The following NDEL1 variants were observed in gnomAD, a reference collection of about 807,000 sequenced individuals.
The protein encoded by NDEL1 is nuclear distribution protein nudE-like 1.
Under a neutral mutation model 45.7 loss-of-function variants are expected in NDEL1, and 9 were observed. The ratio of observed to expected loss-of-function variants is 0.20; its 90% CI spans 0.12 to 0.34. The LOEUF (loss-of-function observed/expected upper bound fraction) is 0.34. Among genes scored for constraint, NDEL1 ranks in the 10% least tolerant of loss-of-function variants. NDEL1 has a pLI of 1.00. For missense variants in NDEL1, 306 were observed against 406.2 expected, an observed-to-expected ratio of 0.75 and a Z score of 2.12; for synonymous variants, 133 against 158.6, an observed-to-expected ratio of 0.84 and a Z score of 1.21.
chr17:8,451,142 G>A (rs1910482081), intron 6 of NDEL1, among the ~76,000 whole-genome samples, 189 bp downstream of exon 6: 1 of 152,078 alleles, frequency 6.6e-6, no homozygotes, highest in Non-Finnish European at 1.5e-5. Context: ...GTGAAATGAT[G>A]GTTACATTTA....
intron 1 of NDEL1, among the ~76,000 whole-genome samples, chr17:8,425,058 C>T (rs773153541): frequency 3.9e-5 from 6 of 152,162 alleles, no homozygotes; most frequent in African/African-American, 7.2e-5. Context: ...CGAGGGTGCT[C>T]GTTTCTCAGT....
chr17:8,429,259 T>C (rs962473565), intron 1 of NDEL1, among the ~76,000 whole-genome samples: 10 of 152,204 alleles, frequency 6.6e-5, no homozygotes, highest in African/African-American at 2.4e-4. Flanking sequence ...CACCAGACCA[T>C]TGGTTCATTC....
At chr17:8,422,894 C>A (rs546895441) in intron 1 of NDEL1, among the ~76,000 whole-genome samples, 2 of 152,090 alleles carry the variant, frequency 1.3e-5, no homozygotes, top group African/African-American at 2.4e-5. Context: ...CACTACCACA[C>A]CCGGCTAATT....
At chr17:8,429,316 G>T (rs1352460734) in intron 1 of NDEL1, among the ~76,000 whole-genome samples, 1 of 152,128 alleles carries the variant, frequency 6.6e-6, no homozygotes, top group Non-Finnish European at 1.5e-5. Flanking sequence ...CTAAGTGCCT[G>T]TTGCTGGGGA....
At chr17:8,428,959 C>A (rs550973682) in intron 1 of NDEL1, among the ~76,000 whole-genome samples, 1 of 152,226 alleles carries the variant, frequency 6.6e-6, no homozygotes. Context: ...AGGCATGAGC[C>A]ACCGCGCCCG....
intron 1 of NDEL1, among the ~76,000 whole-genome samples, chr17:8,424,605 C>T (rs1908781890): frequency 6.6e-6 from 1 of 152,184 alleles, no homozygotes; most frequent in South Asian, 2.1e-4. Flanking sequence ...GGGTTCACGC[C>T]ATTCTCCTGC....
At chr17:8,420,667 A>G (rs2039529878) in intron 1 of NDEL1, among the ~76,000 whole-genome samples, 1 of 152,248 alleles carries the variant, frequency 6.6e-6, no homozygotes, top group African/African-American at 2.4e-5. Flanking sequence ...GCTGGTTGAC[A>G]GGGGAAGCAA....
downstream of NDEL1, among the ~76,000 whole-genome samples, chr17:8,472,847 C>T (rs947459190): frequency 2.0e-5 from 3 of 152,180 alleles, no homozygotes; most frequent in African/African-American, 4.8e-5. Flanking sequence ...CCAGGCTCAA[C>T]GAAAGAGCAA....
chr17:8,448,926 T>G (rs1910274752), intron 5 of NDEL1, among the ~76,000 whole-genome samples: 1 of 152,250 alleles, frequency 6.6e-6, no homozygotes, highest in Non-Finnish European at 1.5e-5. Flanking sequence ...CCATGTATAC[T>G]GAGGGACAAC....
chr17:8,453,129 A>G (rs1910625349), intron 6 of NDEL1, among the ~76,000 whole-genome samples: 1 of 152,226 alleles, frequency 6.6e-6, no homozygotes, highest in South Asian at 2.1e-4. Context: ...GAATAGGGAA[A>G]AATGAGATCT....
At chr17:8,458,358 C>T (rs570650032) in intron 7 of NDEL1, among the ~76,000 whole-genome samples, 2 of 152,230 alleles carry the variant, frequency 1.3e-5, no homozygotes, top group South Asian at 4.1e-4. Flanking sequence ...TCATCCACCC[C>T]TGGGTGTGGA....
chr17:8,451,008 G>T (rs1047148612), intron 6 of NDEL1, 55 bp downstream of exon 6: 168 of 1,509,942 alleles, frequency 1.1e-4, no homozygotes, highest in Non-Finnish European at 1.2e-4. Flanking sequence ...GCTTACGGGG[G>T]TTTGTTGCTG....
intron 5 of NDEL1, among the ~76,000 whole-genome samples, 173 bp downstream of exon 5, chr17:8,448,859 C>G (rs114294074): frequency 6.6e-6 from 1 of 152,170 alleles, no homozygotes. Context: ...TACGGGCTGA[C>G]TGTGGGACTT....
At chr17:8,454,655 T>C in intron 6 of NDEL1, 141 bp from the exon 7 acceptor site, 1 of 644,970 alleles carries the variant, frequency 1.6e-6, no homozygotes, top group African/African-American at 1.8e-5. Context: ...TTAGCCTATT[T>C]ATGGTATCTA....
chr17:8,450,605 A>G (rs1910427951), intron 5 of NDEL1, among the ~76,000 whole-genome samples, 175 bp from the exon 6 acceptor site: 1 of 152,226 alleles, frequency 6.6e-6, no homozygotes, highest in Admixed American at 6.5e-5. Flanking sequence ...TCATTTAGAC[A>G]GTAGTTTTGC....
rs752742156 is a variant in NDEL1 at position 8,435,961 on chromosome 17, C to T, written c.-97C>T. ...TCGGGGCTGCGTAGGGGAGCTGAGC[C>T]GAGCGGCTGGGCGGGCCTGGCCGGG... On this transcript the variant is annotated 5_prime_UTR_variant, in exon 1 of 9. Coordinates refer to ENST00000334527, the MANE Select transcript of NDEL1 (RefSeq NM_030808.5). 4.5e-6 allele frequency: 2 copies of T among 447,608 alleles called. No individual in the cohort carries two copies. Among genetic ancestry groups the T allele is most frequent in the Non-Finnish European group, 8.9e-6 (2 of 223,498 alleles). The allele number at this position is 447,608 out of a possible 1,614,324, so 27.7% of individuals were successfully genotyped here. A position where few individuals can be genotyped will look rare whatever the true frequency, so the allele number is the denominator to read the frequency against.
chr17:8,459,840 A>T (rs1567741268), intron 7 of NDEL1, among the ~76,000 whole-genome samples, 169 bp from the exon 8 acceptor site: 1 of 152,220 alleles, frequency 6.6e-6, no homozygotes, highest in East Asian at 1.9e-4. Flanking sequence ...AAGGGAGCAT[A>T]AGTATTCCCC....
At chr17:8,426,132 T>C (rs1295821432) in intron 1 of NDEL1, among the ~76,000 whole-genome samples, 1 of 152,182 alleles carries the variant, frequency 6.6e-6, no homozygotes, top group Non-Finnish European at 1.5e-5. Context: ...CTTCTTTTTG[T>C]TTTTTCATTT....
intron 1 of NDEL1, among the ~76,000 whole-genome samples, chr17:8,441,652 C>G (rs1483143546): frequency 1.3e-5 from 2 of 152,002 alleles, no homozygotes; most frequent in East Asian, 3.9e-4. Context: ...ATGTCTTCAC[C>G]ACAACCTCAA....
Sources: gnomAD v4.1 joint callset for allele counts (sites outside exome capture counted in the v4.1 genomes callset) on GRCh38, gnomAD v4.1.1 for gene constraint, MANE v1.5 for transcripts, NCBI Gene and HGNC (gene_info 2026-07-23, HGNC 2026-07-21) for gene names.